Variants in ARSG observed in about 807,000 individuals in gnomAD.
The protein encoded by ARSG is arylsulfatase G, also known as ASG.
In ARSG, 37 loss-of-function variants were observed where a neutral mutation model predicts 50.5. The ratio of observed to expected loss-of-function variants is 0.73; its 90% CI spans 0.56 to 0.96. The LOEUF is 0.96. Ranked by LOEUF, ARSG falls within the 50% of genes least tolerant of loss-of-function variation. The probability of loss-of-function intolerance (pLI) is 0.00; values close to 1 mark genes in which losing one functional copy is unlikely to be tolerated. For synonymous variants in ARSG, 225 were observed against 254.6 expected, an observed-to-expected ratio of 0.88 and a Z score of 1.11; for missense variants, 629 against 675.3, an observed-to-expected ratio of 0.93 and a Z score of 0.76.
chr17:68,355,976 G>C (rs1423207785), intron 5 of ARSG, among the ~76,000 whole-genome samples: 1 of 151,954 alleles, frequency 6.6e-6, no homozygotes, highest in Non-Finnish European at 1.5e-5. Flanking sequence ...CCGCCTCCCG[G>C]GTTCAAATGA....
At chr17:68,450,539 AAAC>A in the ARSG span, among the ~76,000 whole-genome samples, 1 of 152,342 alleles carries the variant, frequency 6.6e-6, no homozygotes, top group East Asian at 1.9e-4. Context: ...GGTCTAGGGA[AAAC>A]AACGTTACAA....
intron 1 of ARSG, chr17:68,273,779 G>A (rs897443007): frequency 1.0e-6 from 1 of 979,000 alleles, no homozygotes. Flanking sequence ...ATATAGCTCA[G>A]TTCAAAACTA....
At chr17:68,428,680 A>T in the ARSG span, 1 of 625,832 alleles carries the variant, frequency 1.6e-6, no homozygotes, top group Non-Finnish European at 2.8e-6. Context: ...AGCCCGGTGC[A>T]GAGCACTTGC....
chr17:68,388,429 G>A (rs765540257), intron 9 of ARSG, among the ~76,000 whole-genome samples: 3 of 151,978 alleles, frequency 2.0e-5, no homozygotes, highest in Non-Finnish European at 2.9e-5. Flanking sequence ...AAATGTCCCC[G>A]GGGAGAATGA....
At position 68,370,519 on chromosome 17, in the gene ARSG, G is replaced by T. The variant is rs372096059; in HGVS notation, c.977G>T (p.Arg326Leu). The T allele has an allele frequency of 1.2e-6, 2 of 1,613,712 alleles. No homozygotes were observed. Among genetic ancestry groups the T allele is most frequent in the Non-Finnish European group, 1.7e-6 (2 of 1,179,898 alleles). Reference protein sequence around the residue: ...VGPFTGFWQTRQGGSPAKQTT... With the variant: ...VGPFTGFWQTLQGGSPAKQTT... ...CCCTTCACTGGATTTTGGCAAACTC[G>T]TCAAGGTAAGGGGCTCAGCTGGGGT... The change falls in exon 8 of 12, where the codon CGT becomes CTT. Residue 326 changes from arginine (R) to leucine (L), a missense_variant. Physicochemically the swap from Arg to Leu is moderately radical, Grantham distance 102. Coordinates refer to ENST00000621439, the MANE Select transcript of ARSG (RefSeq NM_001267727.2).
downstream of ARSG, chr17:68,426,048 G>T (rs144678657): frequency 7.5e-6 from 12 of 1,597,540 alleles, no homozygotes; most frequent in Non-Finnish European, 1.0e-5. Flanking sequence ...AGACTGAGCC[G>T]CCCAGTTACG....
At chr17:68,437,981 G>A in the ARSG span, among the ~76,000 whole-genome samples, 5 of 97,128 alleles carry the variant, frequency 5.1e-5, no homozygotes, top group Admixed American at 3.0e-4. Context: ...AAAGTGACTG[G>A]CGTCTATTAC....
intron 1 of ARSG, among the ~76,000 whole-genome samples, chr17:68,285,857 T>G (rs1256103408): frequency 6.6e-6 from 1 of 151,852 alleles, no homozygotes; most frequent in Non-Finnish European, 1.5e-5. Flanking sequence ...ATCCCCCAGG[T>G]TCAAGCAATT....
At chr17:68,342,917 C>T (rs1207300459) in intron 2 of ARSG, among the ~76,000 whole-genome samples, 1 of 152,224 alleles carries the variant, frequency 6.6e-6, no homozygotes, top group East Asian at 1.9e-4. Flanking sequence ...GCTACTCAAA[C>T]TTTGCAGGTC....
chr17:68,385,461 G>T (rs903732023), intron 9 of ARSG, among the ~76,000 whole-genome samples: 2 of 150,376 alleles, frequency 1.3e-5, no homozygotes, highest in African/African-American at 4.9e-5. Flanking sequence ...TCAGGAGTTT[G>T]AGACTATCCT....
intron 8 of ARSG, among the ~76,000 whole-genome samples, chr17:68,382,589 G>A (rs1005465040): frequency 1.3e-4 from 20 of 152,256 alleles, no homozygotes; most frequent in South Asian, 6.2e-4. Context: ...AACACAACAC[G>A]CCTGTTTGAT....
intron 2 of ARSG, among the ~76,000 whole-genome samples, chr17:68,316,362 A>G (rs1242773259): frequency 6.6e-5 from 10 of 151,946 alleles, no homozygotes; most frequent in African/African-American, 2.4e-4. Context: ...TTCTTTGTTT[A>G]CTTCTTTGTT....
At chr17:68,361,718 A>C (rs2079297345) in intron 6 of ARSG, among the ~76,000 whole-genome samples, 1 of 152,146 alleles carries the variant, frequency 6.6e-6, no homozygotes, top group East Asian at 1.9e-4. Context: ...GAAGTTCGAG[A>C]TCAGCCTGGC....
At chr17:68,427,051 G>T (rs1600262899), downstream of ARSG, 4 of 1,160,088 alleles carry the variant, frequency 3.4e-6, no homozygotes, top group East Asian at 2.4e-5. Context: ...TAACAGTGAA[G>T]GGGGAAGGGG....
intron 5 of ARSG, among the ~76,000 whole-genome samples, chr17:68,352,809 G>A (rs1246720376): frequency 6.6e-6 from 1 of 151,784 alleles, no homozygotes; most frequent in Admixed American, 6.6e-5. Flanking sequence ...CGCACCCAGC[G>A]GTGACTCTTT....
intron 2 of ARSG, among the ~76,000 whole-genome samples, chr17:68,318,404 G>T (rs1048051982): frequency 6.6e-6 from 1 of 152,194 alleles, no homozygotes; most frequent in Non-Finnish European, 1.5e-5. Context: ...TCTCAGGCTG[G>T]GAAGTGCCTT....
chr17:68,433,610 G>C, the ARSG span: 18 of 1,552,334 alleles, frequency 1.2e-5, no homozygotes, highest in Admixed American at 1.7e-5. Context: ...CAGTGAGCAA[G>C]AGAAATGGGA....
rs1555748706 is a variant in ARSG, at chr17:68,271,487, T to C, written c.-552+12061T>C. 2.5e-6 allele frequency: 4 copies of C among 1,614,178 alleles called. No individual in the cohort carries two copies. The highest frequency in any genetic ancestry group is 1.7e-6 in the Non-Finnish European group (2 of 1,180,028). ...GTTCGTGTTTTCTCATTTTCAAGCA[T>C]ATACTGCGCTTCTTTCCGATTTTCC... is the stretch of plus-strand genomic sequence containing the variant. On this transcript the variant is annotated intron_variant, in intron 1 of 11. Transcript: ENST00000448504. The surrounding 1 kb of genome is among the most constrained non-coding windows in gnomAD (Gnocchi z 5.3).
intron 11 of ARSG, among the ~76,000 whole-genome samples, chr17:68,403,571 A>G (rs1009529587): frequency 6.6e-6 from 1 of 152,242 alleles, no homozygotes; most frequent in African/African-American, 2.4e-5. Flanking sequence ...ATTGACATCT[A>G]CTACATTAGA....
Sources: allele counts gnomAD v4.1 joint callset (sites outside exome capture counted in the v4.1 genomes callset), GRCh38; gene constraint gnomAD v4.1.1; non-coding constraint Gnocchi (gnomAD v3.1); transcripts MANE v1.5; gene names NCBI Gene and HGNC (gene_info 2026-07-23, HGNC 2026-07-21).